The following CYBA variants were observed in gnomAD, a reference collection of about 807,000 sequenced individuals.
The protein encoded by CYBA is cytochrome b-245 alpha chain.
In CYBA, 21 loss-of-function variants were observed where a neutral mutation model predicts 20.8. That is an observed-to-expected ratio of 1.01 (90% CI 0.72 to 1.46). CYBA has a LOEUF of 1.46. Ranked by LOEUF, CYBA falls within the 40% of genes most tolerant of loss-of-function variation. The pLI is 0.00. For synonymous variants in CYBA, 164 were observed against 127.5 expected, an observed-to-expected ratio of 1.29 and a Z score of -1.93; for missense variants, 344 against 287.0, an observed-to-expected ratio of 1.20 and a Z score of -1.43.
Position 88,647,233 on chromosome 16 carries a change from C to T in CYBA, c.129-58G>A, listed in dbSNP as rs1907323689. Reference sequence around the variant, plus strand: ...CAGCCTGAGGGGCCACAGGGAACTCCCTTTACTGAAGACAACACAGAGAGG... The same window carrying T: ...CAGCCTGAGGGGCCACAGGGAACTCTCTTTACTGAAGACAACACAGAGAGG... On this transcript the variant is annotated intron_variant, in intron 2 of 5. Coordinates refer to ENST00000261623, the MANE Select transcript of CYBA (RefSeq NM_000101.4). The T allele has an allele frequency of 2.0e-6, 3 of 1,538,222 alleles. No homozygotes were observed. In the East Asian group the frequency reaches 6.8e-5, roughly 35 times the overall value.
At chr16:88,650,770 C>G in intron 1 of CYBA, 186 bp downstream of exon 1, 1 of 649,144 alleles carries the variant, frequency 1.5e-6, no homozygotes, top group Non-Finnish European at 2.8e-6. Context: ...GGTCTCAGAA[C>G]TCCTCCTTCC....
intron 5 of CYBA, chr16:88,645,882 G>C: frequency 1.7e-6 from 1 of 588,862 alleles, no homozygotes; most frequent in Non-Finnish European, 3.0e-6. Flanking sequence ...CAGGGCTGTG[G>C]TGCGGGTTAA....
chr16:88,643,299 G>T lies in CYBA; in HGVS notation c.*54C>A. The T allele has an allele frequency of 7.5e-7, 1 of 1,329,392 alleles. No individual in the cohort carries two copies. 82.3% of individuals were successfully genotyped at this position (1,329,392 alleles called of 1,614,324 possible). A position where few individuals can be genotyped will look rare whatever the true frequency, so the allele number is the denominator to read the frequency against. Reference sequence around the variant, plus strand: ...CAGAGGCTCACGCGCTCCCGGCTTCGCTGCATTTATTGCAGGTGGGTGCAC... The same window carrying T: ...CAGAGGCTCACGCGCTCCCGGCTTCTCTGCATTTATTGCAGGTGGGTGCAC... On this transcript the variant is annotated 3_prime_UTR_variant, in exon 6 of 6. Coordinates refer to ENST00000261623, the MANE Select transcript of CYBA (RefSeq NM_000101.4). The surrounding 1 kb of genome is among the most constrained non-coding windows in gnomAD (Gnocchi z 4.3).
rs1043335452 is a variant in CYBA at position 88,643,731 on chromosome 16, C to T, written c.370-160G>A. 13 of 718,920 alleles carry T rather than the reference C, an allele frequency of 1.8e-5. No homozygotes were observed. Among genetic ancestry groups the T allele is most frequent in the South Asian group, 1.2e-4 (7 of 58,200 alleles). The allele number at this position is 718,920 out of a possible 1,614,324, so 44.5% of individuals were successfully genotyped here. On this transcript the variant is annotated intron_variant, in intron 5 of 5. Transcript: ENST00000261623. This position sits in a 1 kb window ranked among gnomAD's most constrained non-coding sequence, Gnocchi z 4.3. ...ACTCAGAGAGGTTAAGTGACGCGCC[C>T]GAGGCCACACAGCCAGGACCTGGGT... is the stretch of plus-strand genomic sequence containing the variant.
intron 5 of CYBA, among the ~76,000 whole-genome samples, chr16:88,644,331 C>T (rs1475908337): frequency 6.6e-6 from 1 of 152,142 alleles, no homozygotes; most frequent in Non-Finnish European, 1.5e-5. Flanking sequence ...GAAGGCAGGA[C>T]CCAGGGCCAG....
chr16:88,650,796 G>T, intron 1 of CYBA, 160 bp downstream of exon 1: 1 of 737,536 alleles, frequency 1.4e-6, no homozygotes, highest in Non-Finnish European at 2.3e-6. Context: ...GCGGCCTGAG[G>T]GTCCCGCCCC....
At position 88,643,705 on chromosome 16, in the gene CYBA, C is replaced by G. The variant is rs1567607877; in HGVS notation, c.370-134G>C. On this transcript the variant is annotated intron_variant, in intron 5 of 5. Transcript: ENST00000261623. This position sits in a 1 kb window ranked among gnomAD's most constrained non-coding sequence, Gnocchi z 4.3. Reference sequence around the variant, plus strand: ...ATCCCACGCAGGATGGTGTGACTGCCACTCAGAGAGGTTAAGTGACGCGCC... The same window carrying G: ...ATCCCACGCAGGATGGTGTGACTGCGACTCAGAGAGGTTAAGTGACGCGCC... The G allele has an allele frequency of 4.6e-6, 4 of 868,358 alleles. No individual in the cohort carries two copies. Among genetic ancestry groups the G allele is most frequent in the Non-Finnish European group, 5.4e-6 (3 of 556,968 alleles). 53.8% of individuals were successfully genotyped at this position (868,358 alleles called of 1,614,324 possible).
intron 2 of CYBA, 25 bp from the exon 3 acceptor site, chr16:88,647,200 G>A (rs1454599131): frequency 1.0e-5 from 16 of 1,607,526 alleles, no homozygotes; most frequent in Non-Finnish European, 1.4e-5. Flanking sequence ...TTAAGGAACA[G>A]CCCAGCTCAG....
At chr16:88,645,859 C>G (rs1422298878) in intron 5 of CYBA, 1 of 579,058 alleles carries the variant, frequency 1.7e-6, no homozygotes, top group Non-Finnish European at 3.1e-6. Context: ...AGTGGGGACC[C>G]CAGTACCCCT....
In CYBA at chr16:88,643,512, C is replaced by T. The variant is rs989507329; in HGVS notation, c.429G>A (p.Gln143=). 3 of 1,534,684 alleles carry T rather than the reference C, an allele frequency of 2.0e-6. No individual in the cohort carries two copies. Among genetic ancestry groups the T allele is most frequent in the Non-Finnish European group, 2.6e-6 (3 of 1,146,356 alleles). ...GCGGCTGCTTGATGGTGCCTCCGATCTGCGGCCGCTCCCGGGGCTTGGGCT... is the reference window on the plus strand; with the variant it reads ...GCGGCTGCTTGATGGTGCCTCCGATTTGCGGCCGCTCCCGGGGCTTGGGCT... ...PIEPKPRERP[Q]IGGTIKQPPS... Residue 143 remains glutamine (Q), a synonymous_variant, in exon 6 of 6, where the codon CAG becomes CAA. Coordinates refer to ENST00000261623, the MANE Select transcript of CYBA (RefSeq NM_000101.4). This position sits in a 1 kb window ranked among gnomAD's most constrained non-coding sequence, Gnocchi z 4.3.
intron 5 of CYBA, chr16:88,644,675 A>G (rs558158952): frequency 5.8e-6 from 1 of 172,678 alleles, no homozygotes; most frequent in Admixed American, 5.4e-5. Context: ...AATACCAAAA[A>G]TTAGCCAGGC....
chr16:88,645,761 G>T, intron 5 of CYBA: 1 of 534,026 alleles, frequency 1.9e-6, no homozygotes, highest in South Asian at 2.3e-5. Flanking sequence ...CTGATAATGG[G>T]ACCCAAGCGC....
chr16:88,646,312 C>A, intron 4 of CYBA, 115 bp from the exon 5 acceptor site: 1 of 892,222 alleles, frequency 1.1e-6, no homozygotes, highest in Non-Finnish European at 1.8e-6. Flanking sequence ...ACTGCAGACC[C>A]AGGGGACGTG....
At position 88,643,606 on chromosome 16, in the gene CYBA, C is replaced by T. The variant is rs1411365779; in HGVS notation, c.370-35G>A. Reference sequence around the variant, plus strand: ...ACTGAAGGGTTGAGCCGCGCCCCAGCGCCCGCCCTCCCTCCCTCCCTCCCT... The same window carrying T: ...ACTGAAGGGTTGAGCCGCGCCCCAGTGCCCGCCCTCCCTCCCTCCCTCCCT... On this transcript the variant is annotated intron_variant, in intron 5 of 5. Coordinates refer to ENST00000261623, the MANE Select transcript of CYBA (RefSeq NM_000101.4). This position sits in a 1 kb window ranked among gnomAD's most constrained non-coding sequence, Gnocchi z 4.3. The T allele has an allele frequency of 1.5e-5, 22 of 1,516,250 alleles. No homozygotes were observed. The highest frequency in any genetic ancestry group is 2.3e-4 in the Middle Eastern group (1 of 4,328). The allele number at this position is 1,516,250 out of a possible 1,614,324, so 93.9% of individuals were successfully genotyped here.
intron 2 of CYBA, chr16:88,647,604 G>A (rs1238774226): frequency 2.7e-6 from 1 of 366,776 alleles, no homozygotes; most frequent in Non-Finnish European, 5.3e-6. Context: ...GGTTCCAACA[G>A]GTCTGGCACT....
intron 1 of CYBA, among the ~76,000 whole-genome samples, chr16:88,648,387 C>T (rs1907368560): frequency 1.3e-5 from 2 of 151,910 alleles, no homozygotes; most frequent in South Asian, 4.2e-4. Context: ...CTGCAGGCCC[C>T]AGTGGGCTCT....
At chr16:88,646,604 C>T (rs763717394) in intron 4 of CYBA, 151 bp downstream of exon 4, 3 of 750,794 alleles carry the variant, frequency 4.0e-6, no homozygotes, top group African/African-American at 3.4e-5. Flanking sequence ...GACACAGGCC[C>T]TGCCAGAGCC....
intron 4 of CYBA, chr16:88,646,483 G>A: frequency 1.4e-6 from 1 of 697,542 alleles, no homozygotes; most frequent in Non-Finnish European, 2.6e-6. Context: ...ACCCTACCAG[G>A]AAGCCCAGGC....
chr16:88,646,742 G>A lies in CYBA; in HGVS notation c.287+13C>T, dbSNP rs1255390426. 1.9e-6 allele frequency: 3 copies of A among 1,611,086 alleles called. No individual in the cohort carries two copies. Among genetic ancestry groups the A allele is most frequent in the African/African-American group, 1.3e-5 (1 of 74,856 alleles). Reference sequence around the variant, plus strand: ...CTCCTGAGCCCTAGAGGGGGTGCGGGACGGGGACTCACAGGAGATGCAGGA... The same window carrying A: ...CTCCTGAGCCCTAGAGGGGGTGCGGAACGGGGACTCACAGGAGATGCAGGA... On this transcript the variant is annotated intron_variant, in intron 4 of 5. Transcript: ENST00000261623.
Sources: gnomAD v4.1 joint callset for allele counts (sites outside exome capture counted in the v4.1 genomes callset) on GRCh38, gnomAD v4.1.1 for gene constraint, Gnocchi (gnomAD v3.1) non-coding constraint, MANE v1.5 for transcripts, NCBI Gene and HGNC (gene_info 2026-07-23, HGNC 2026-07-21) for gene names.